MBD5: variants seen among roughly 807,000 people sequenced by gnomAD.
MBD5 encodes methyl-CpG binding domain protein 5.
MBD5 carries 13 observed loss-of-function variants against 117.3 expected under a neutral mutation model. That is an observed-to-expected ratio of 0.11 (90% CI 0.07 to 0.18). The LOEUF is 0.18. Ranked by LOEUF, MBD5 falls within the 10% of genes least tolerant of loss-of-function variation. The pLI is 1.00. For synonymous variants in MBD5, 727 were observed against 766.4 expected, an observed-to-expected ratio of 0.95 and a Z score of 0.85; for missense variants, 1,879 against 2,093.8, an observed-to-expected ratio of 0.90 and a Z score of 2.00.
At chr2:148,353,582 TTTG>T (rs1303114774) in intron 4 of MBD5, among the ~76,000 whole-genome samples, 5 of 152,168 alleles carry the variant, frequency 3.3e-5, no homozygotes, top group East Asian at 1.9e-4. Context: ...CAGCATTTAG[TTTG>T]TTGTTGTTGT....
At chr2:148,344,573 G>A (rs1485052205) in intron 4 of MBD5, among the ~76,000 whole-genome samples, 1 of 151,950 alleles carries the variant, frequency 6.6e-6, no homozygotes, top group Non-Finnish European at 1.5e-5. Context: ...GAATGTGTGT[G>A]TGACTATTGT....
Position 148,469,311 on chromosome 2 carries a change from G to T in MBD5, c.1368G>T (p.Ser456=), listed in dbSNP as rs146020786. 2,586 of 1,613,604 alleles carry T rather than the reference G, an allele frequency of 1.6e-3. 4 individuals are homozygous for T. Among genetic ancestry groups the T allele is most frequent in the Non-Finnish European group, 2.0e-3 (2,310 of 1,179,940 alleles). ...CTGGAATTGGAAGGATTGAGGCATC[G>T]CCCCAAAGATCACGCTCATCTTCCA... is the stretch of plus-strand genomic sequence containing the variant. ...MGTGIGRIEA[S]PQRSRSSSTS... Residue 456 remains serine (S), a synonymous_variant, in exon 8 of 14, where the codon TCG becomes TCT. Transcript: ENST00000642680.
At chr2:148,044,959 A>G (rs940154813) in intron 1 of MBD5, 2 of 152,100 alleles carry the variant, frequency 1.3e-5, no homozygotes, top group Admixed American at 6.5e-5. Flanking sequence ...ACTGATTTTT[A>G]TGGTATATTG....
In MBD5 at chr2:148,468,402, T is replaced by C; in HGVS notation, c.459T>C (p.His153=). The change falls in exon 8 of 14, where the codon CAT becomes CAC. Residue 153 remains histidine, a synonymous_variant. Transcript: ENST00000642680. ...CAAGATCAGTAAGAAATAAGTCTCA[T>C]GAAGGAATTACAAATTCTGTAATGC... ...ATPRSVRNKS[H]EGITNSVMPE... is the part of the protein sequence containing the mutation. 1 of 1,613,740 alleles carries C rather than the reference T, an allele frequency of 6.2e-7. No homozygotes were observed.
intron 1 of MBD5, among the ~76,000 whole-genome samples, chr2:148,148,401 T>TA (rs932947229): frequency 6.6e-6 from 1 of 152,192 alleles, no homozygotes; most frequent in African/African-American, 2.4e-5. Context: ...TAGTGCAAAT[T>TA]AAAATGCCAC....
intron 1 of MBD5, among the ~76,000 whole-genome samples, chr2:148,113,463 C>A (rs1696549766): frequency 6.6e-6 from 1 of 152,050 alleles, no homozygotes; most frequent in African/African-American, 2.4e-5. Flanking sequence ...TGTTGACATC[C>A]CCAGTTTTGT....
At chr2:148,471,007 T>G (rs1277233214) in intron 8 of MBD5, 2 of 152,294 alleles carry the variant, frequency 1.3e-5, no homozygotes, top group African/African-American at 4.8e-5. Flanking sequence ...CCTAGTTTGC[T>G]ATCCTTATTA....
chr2:148,329,735 A>G (rs1360645810), intron 3 of MBD5, among the ~76,000 whole-genome samples: 1 of 152,202 alleles, frequency 6.6e-6, no homozygotes, highest in Admixed American at 6.5e-5. Flanking sequence ...ACAATTGCAC[A>G]TTCTTATATT....
intron 2 of MBD5, among the ~76,000 whole-genome samples, chr2:148,199,593 C>T (rs1046869663): frequency 6.6e-6 from 1 of 151,796 alleles, no homozygotes; most frequent in Non-Finnish European, 1.5e-5. Context: ...GATGGTGAAA[C>T]CTCATCTCTA....
Position 148,050,077 on chromosome 2 carries a change from G to C in MBD5, c.-925+28393G>C, listed in dbSNP as rs1303992242. 3.3e-5 allele frequency among the ~76,000 whole-genome samples: 5 copies of C among 152,190 alleles called. No individual in the cohort carries two copies. The East Asian group carries it at 9.7e-4, about 29-fold the overall frequency. On this transcript the variant is annotated intron_variant, in intron 1 of 13. Transcript: ENST00000642680. ...TTAACACATTCCTAGGAATGTAATT[G>C]CTGGGTCTCATGGTGACTCTATGTT...
At chr2:148,484,259 C>A in intron 9 of MBD5, 124 bp downstream of exon 9, 1 of 823,102 alleles carries the variant, frequency 1.2e-6, no homozygotes, top group Non-Finnish European at 1.8e-6. Context: ...TCACAGCTTG[C>A]TTAAGGAACT....
At chr2:148,333,708 A>G (rs940636973) in intron 3 of MBD5, among the ~76,000 whole-genome samples, 1 of 151,966 alleles carries the variant, frequency 6.6e-6, no homozygotes, top group Non-Finnish European at 1.5e-5. Context: ...AAATACAAAA[A>G]TTAGCCAGGT....
intron 11 of MBD5, among the ~76,000 whole-genome samples, chr2:148,491,456 T>C (rs1189799923): frequency 1.3e-5 from 2 of 152,026 alleles, no homozygotes; most frequent in Non-Finnish European, 2.9e-5. Context: ...TAATTTTTCA[T>C]CTTCTTAGGT....
intron 3 of MBD5, among the ~76,000 whole-genome samples, chr2:148,242,285 C>A (rs1458562640): frequency 6.6e-6 from 1 of 151,682 alleles, no homozygotes; most frequent in African/African-American, 2.4e-5. Flanking sequence ...CACTTAAGAC[C>A]TTACTACTAG....
intron 4 of MBD5, among the ~76,000 whole-genome samples, chr2:148,449,951 T>C (rs1306249478): frequency 2.6e-5 from 4 of 152,076 alleles, no homozygotes; most frequent in Non-Finnish European, 5.9e-5. Flanking sequence ...GTTTTTATAC[T>C]ACCAGAGAAC....
chr2:148,240,629 T>A (rs1700197920), intron 3 of MBD5, among the ~76,000 whole-genome samples: 1 of 152,212 alleles, frequency 6.6e-6, no homozygotes, highest in Non-Finnish European at 1.5e-5. Context: ...TAATCATTAC[T>A]ACATTTTTAG....
chr2:148,142,709 C>G (rs1299353357), intron 1 of MBD5, among the ~76,000 whole-genome samples: 1 of 152,086 alleles, frequency 6.6e-6, no homozygotes, highest in African/African-American at 2.4e-5. Flanking sequence ...AAGAGCGAAA[C>G]CAAGTCCAGA....
At chr2:148,067,372 A>G (rs1000571134) in intron 1 of MBD5, among the ~76,000 whole-genome samples, 6 of 152,330 alleles carry the variant, frequency 3.9e-5, no homozygotes, top group Middle Eastern at 3.4e-3. Context: ...TTCTTTACAA[A>G]TTATCGTTAG....
chr2:148,160,357 A>G (rs1697979549), intron 1 of MBD5, among the ~76,000 whole-genome samples: 1 of 152,152 alleles, frequency 6.6e-6, no homozygotes, highest in South Asian at 2.1e-4. Context: ...AGATAGCACC[A>G]CTGCACTCCA....
Sources: allele counts gnomAD v4.1 joint callset (sites outside exome capture counted in the v4.1 genomes callset), GRCh38; gene constraint gnomAD v4.1.1; transcripts MANE v1.5; gene names NCBI Gene and HGNC (gene_info 2026-07-23, HGNC 2026-07-21).